The following DSCAM variants were observed in gnomAD, a reference collection of about 807,000 sequenced individuals.
The protein encoded by DSCAM is cell adhesion molecule DSCAM.
Under a neutral mutation model 217.7 loss-of-function variants are expected in DSCAM, and 47 were observed. The observed-to-expected ratio is 0.22, with a 90% confidence interval of 0.17 to 0.28. The LOEUF is 0.28. DSCAM is among the 10% of genes least tolerant of loss of function. The pLI is 1.00. For missense variants in DSCAM, 2,080 were observed against 2,618.3 expected (o/e 0.79, Z 4.49); for synonymous variants, 1,056 against 1,015.3 (o/e 1.04, Z -0.76).
chr21:40,790,178 TTC>T (rs1491514231), intron 1 of DSCAM, among the ~76,000 whole-genome samples: 2 of 142,876 alleles, frequency 1.4e-5, no homozygotes, highest in Non-Finnish European at 3.0e-5. Flanking sequence ...TTTTCTTTCT[TTC>T]TTTTTTTTTT....
At chr21:40,813,549 G>A (rs1045759859) in intron 1 of DSCAM, among the ~76,000 whole-genome samples, 57 of 151,214 alleles carry the variant, frequency 3.8e-4, no homozygotes, top group African/African-American at 9.7e-4. Flanking sequence ...TTAAATTTCC[G>A]TCTTGATTTC....
rs1012079060 is a variant in DSCAM at position 40,708,736 on chromosome 21, C to A, written c.79G>T (p.Val27Phe). The part of the protein sequence containing the change: ...SEDLHSSLYF[V>F]NASLQEVVFA... ...ACTACCTCTTGCAGAGATGCATTGA[C>A]AAAGTAGAGGCTGGAGTGTAGGTCT... Residue 27 changes from valine to phenylalanine, a missense_variant, in exon 2 of 33, where the codon GTC (valine) becomes TTC (phenylalanine). Around this residue, in one of 5 missense-constraint regions of DSCAM, gnomAD observed 568 missense variants for 678.1 expected, o/e 0.84. Transcript: ENST00000400454. The A allele has an allele frequency of 6.2e-7, 1 of 1,601,358 alleles. No homozygotes were observed. Among genetic ancestry groups the A allele is most frequent in the Middle Eastern group, 1.7e-4 (1 of 6,032 alleles).
intron 11 of DSCAM, among the ~76,000 whole-genome samples, chr21:40,207,378 T>C (rs1021798139): frequency 2.6e-5 from 4 of 152,206 alleles, no homozygotes; most frequent in African/African-American, 9.6e-5. Context: ...GGCACTCTAG[T>C]CTTGCAATGG....
chr21:40,017,499 CCTA>C (rs1416410184), intron 32 of DSCAM, among the ~76,000 whole-genome samples: 5 of 152,144 alleles, frequency 3.3e-5, no homozygotes, highest in African/African-American at 1.2e-4. Context: ...ACGTTGGCTT[CCTA>C]CTGTCAACTG....
intron 3 of DSCAM, chr21:40,382,997 G>A (rs1157092715): frequency 1.3e-5 from 2 of 152,236 alleles, no homozygotes; most frequent in Non-Finnish European, 2.9e-5. Flanking sequence ...AACAGTGTCA[G>A]TTGGATATAC....
chr21:40,416,600 A>T (rs898304380), intron 3 of DSCAM, among the ~76,000 whole-genome samples: 1 of 152,200 alleles, frequency 6.6e-6, no homozygotes, highest in East Asian at 1.9e-4. Context: ...ACAGGTTTGT[A>T]GTTTCAGCAA....
intron 16 of DSCAM, among the ~76,000 whole-genome samples, chr21:40,163,925 C>G (rs2090566924): frequency 1.3e-5 from 2 of 152,176 alleles, no homozygotes; most frequent in Non-Finnish European, 2.9e-5. Context: ...ACACGTAATG[C>G]TTCACAGGCA....
chr21:40,243,417 GA>G (rs1322245074), intron 11 of DSCAM, among the ~76,000 whole-genome samples: 1 of 152,018 alleles, frequency 6.6e-6, no homozygotes, highest in Admixed American at 6.5e-5. Context: ...GAAAGGTAGT[GA>G]AAAAAGGAAA....
At chr21:40,250,077 G>A (rs1323167457) in intron 11 of DSCAM, among the ~76,000 whole-genome samples, 2 of 152,180 alleles carry the variant, frequency 1.3e-5, no homozygotes, top group East Asian at 1.9e-4. Context: ...CATTGACCTT[G>A]ACTCCATGAC....
intron 1 of DSCAM, among the ~76,000 whole-genome samples, chr21:40,789,532 C>A: frequency 6.6e-6 from 1 of 150,516 alleles, no homozygotes. Context: ...AAATGTCACA[C>A]ATGATGCAAG....
At chr21:40,194,642 A>G (rs1473611960) in intron 11 of DSCAM, among the ~76,000 whole-genome samples, 1 of 152,214 alleles carries the variant, frequency 6.6e-6, no homozygotes, top group Non-Finnish European at 1.5e-5. Flanking sequence ...TTCATAAACT[A>G]TAATATTATC....
chr21:40,668,335 G>C (rs1228308375), intron 3 of DSCAM, among the ~76,000 whole-genome samples: 1 of 152,210 alleles, frequency 6.6e-6, no homozygotes, highest in Non-Finnish European at 1.5e-5. Flanking sequence ...GGCAGCATCA[G>C]TTGTGTTTGT....
chr21:40,083,345 C>T lies in DSCAM; in HGVS notation c.4231+563G>A, dbSNP rs377680016. 5.3e-5 allele frequency among the ~76,000 whole-genome samples: 8 copies of T among 152,228 alleles called. No individual in the cohort carries two copies. In the East Asian group the frequency reaches 7.7e-4, roughly 15 times the overall value. The stretch of plus-strand genomic sequence containing the variant: ...TTGGGAGGTTGAGGCAGAAGAATCA[C>T]TTCAACTCGACAGGCGGAGGTTGCA... On this transcript the variant is annotated intron_variant, in intron 24 of 32. Coordinates refer to ENST00000400454, the MANE Select transcript of DSCAM (RefSeq NM_001389.5).
chr21:40,165,784 G>A (rs1208692644), intron 16 of DSCAM, among the ~76,000 whole-genome samples: 5 of 152,122 alleles, frequency 3.3e-5, no homozygotes, highest in Non-Finnish European at 7.4e-5. Flanking sequence ...AAAGCTAGTG[G>A]GTAAAACTTC....
chr21:40,286,569 G>A (rs2073826667), intron 10 of DSCAM, among the ~76,000 whole-genome samples: 1 of 152,196 alleles, frequency 6.6e-6, no homozygotes. Flanking sequence ...CTTTCCCAGA[G>A]GAAAAACAAA....
chr21:40,313,739 G>A (rs1233055733), intron 8 of DSCAM, among the ~76,000 whole-genome samples: 2 of 151,994 alleles, frequency 1.3e-5, no homozygotes, highest in South Asian at 4.1e-4. Context: ...TAATATCAGA[G>A]CCTGTAATGT....
At chr21:40,403,093 C>A (rs779905844) in intron 3 of DSCAM, among the ~76,000 whole-genome samples, 1 of 152,110 alleles carries the variant, frequency 6.6e-6, no homozygotes, top group Non-Finnish European at 1.5e-5. Flanking sequence ...TCATTTCTAT[C>A]AAGCACCAAA....
intron 1 of DSCAM, among the ~76,000 whole-genome samples, chr21:40,747,232 A>G (rs138730989): frequency 7.2e-5 from 11 of 151,766 alleles, no homozygotes; most frequent in Non-Finnish European, 1.0e-4. Flanking sequence ...TAAACAAAAT[A>G]GAGGTTTTAA....
chr21:40,165,065 A>G (rs147495447), intron 16 of DSCAM, among the ~76,000 whole-genome samples: 2 of 152,256 alleles, frequency 1.3e-5, no homozygotes, highest in East Asian at 1.9e-4. Flanking sequence ...ACTTCTGATC[A>G]GTGTCCGTGA....
Sources: allele counts gnomAD v4.1 joint callset (sites outside exome capture counted in the v4.1 genomes callset), GRCh38; gene constraint gnomAD v4.1.1; regional missense constraint gnomAD v4.1.1; transcripts MANE v1.5; gene names NCBI Gene and HGNC (gene_info 2026-07-23, HGNC 2026-07-21).